MSH3: variants seen among roughly 807,000 people sequenced by gnomAD.
MSH3 encodes DNA mismatch repair protein Msh3.
MSH3 carries 106 observed loss-of-function variants against 123.3 expected under a neutral mutation model. The observed-to-expected ratio is 0.86, with a 90% CI of 0.73 to 1.01. The LOEUF (loss-of-function observed/expected upper bound fraction) is 1.01, where lower values mean the gene tolerates loss of function less well. Ranked by LOEUF, MSH3 falls within the 50% of genes least tolerant of loss-of-function variation. The pLI is 0.00. For synonymous variants in MSH3, 515 were observed against 481.4 expected, an observed-to-expected ratio of 1.07 and a Z score of -0.91; for missense variants, 1,459 against 1,347.6, an observed-to-expected ratio of 1.08 and a Z score of -1.29.
intron 8 of MSH3, among the ~76,000 whole-genome samples, chr5:80,709,663 T>C (rs1321503673): frequency 6.6e-6 from 1 of 152,232 alleles, no homozygotes; most frequent in African/African-American, 2.4e-5. Context: ...TTAACAACTT[T>C]TGTTAATTTT....
intron 21 of MSH3, among the ~76,000 whole-genome samples, chr5:80,854,780 C>T (rs975388609): frequency 2.6e-5 from 4 of 152,080 alleles, no homozygotes; most frequent in Non-Finnish European, 5.9e-5. Context: ...TTTTTGCTGA[C>T]TCAACATAAA....
intron 2 of MSH3, among the ~76,000 whole-genome samples, chr5:80,662,148 A>C (rs1353513597): frequency 6.6e-6 from 1 of 152,250 alleles, no homozygotes; most frequent in East Asian, 1.9e-4. Flanking sequence ...GTTTAGATAC[A>C]CAGATACTTA....
chr5:80,666,894 G>A (rs1749586494), intron 3 of MSH3, among the ~76,000 whole-genome samples: 1 of 152,200 alleles, frequency 6.6e-6, no homozygotes, highest in African/African-American at 2.4e-5. Context: ...GTCCAGACAA[G>A]GTTAAATTGA....
In MSH3 at chr5:80,692,617, T is replaced by G. The variant is rs187085059; in HGVS notation, c.1340+13524T>G. On this transcript the variant is annotated intron_variant, in intron 8 of 23. Transcript: ENST00000265081. ...GTATATGTTTATATAGATGAATATA[T>G]ATAAACATGTATATGTTTATATATG... 4.4e-4 allele frequency among the ~76,000 whole-genome samples: 64 copies of G among 146,844 alleles called. No homozygotes were observed. In the South Asian group the frequency reaches 4.7e-3, roughly 11 times the overall value.
chr5:80,678,512 T>C (rs1322682267), intron 7 of MSH3, among the ~76,000 whole-genome samples: 2 of 152,248 alleles, frequency 1.3e-5, no homozygotes, highest in Admixed American at 1.3e-4. Flanking sequence ...GAGTGATAAC[T>C]ACTATTTGTA....
At chr5:80,711,299 G>C (rs1404048469) in intron 8 of MSH3, among the ~76,000 whole-genome samples, 1 of 152,202 alleles carries the variant, frequency 6.6e-6, no homozygotes, top group African/African-American at 2.4e-5. Flanking sequence ...GATAGGTCCT[G>C]GTGTGTTTCT....
chr5:80,754,207 C>T (rs1561466864), intron 12 of MSH3, among the ~76,000 whole-genome samples: 2 of 152,074 alleles, frequency 1.3e-5, no homozygotes, highest in Non-Finnish European at 2.9e-5. Context: ...CTACTCAGAT[C>T]CCACTAGGTA....
Position 80,787,110 on chromosome 5 carries a change from G to C in MSH3, c.2436-455G>C, listed in dbSNP as rs141722121. On this transcript the variant is annotated intron_variant, in intron 17 of 23. Transcript: ENST00000265081. ...GTTAATGAGATGAGATAGACAACCT[G>C]CTTTCAAGAAGCTTCCAGTTTAGTG... 7.3e-3 allele frequency among the ~76,000 whole-genome samples: 1,116 copies of C among 152,126 alleles called. 18 individuals carry two copies. The highest frequency in any genetic ancestry group is 0.025 in the African/African-American group (1,057 of 41,498).
At chr5:80,795,520 A>G (rs944095382) in intron 19 of MSH3, among the ~76,000 whole-genome samples, 4 of 152,096 alleles carry the variant, frequency 2.6e-5, no homozygotes, top group Non-Finnish European at 5.9e-5. Context: ...AGTGGAAGGG[A>G]TAAGGGGTCT....
intron 19 of MSH3, among the ~76,000 whole-genome samples, chr5:80,806,206 C>G (rs1274095048): frequency 6.6e-6 from 1 of 152,180 alleles, no homozygotes; most frequent in Non-Finnish European, 1.5e-5. Flanking sequence ...TCAAGTGATT[C>G]TCCTGCCTCA....
chr5:80,703,530 T>C (rs1041118847), intron 8 of MSH3, among the ~76,000 whole-genome samples: 1 of 152,046 alleles, frequency 6.6e-6, no homozygotes, highest in Non-Finnish European at 1.5e-5. Context: ...GAGAGACACA[T>C]AGCTTAGCCT....
intron 7 of MSH3, among the ~76,000 whole-genome samples, chr5:80,675,977 T>C (rs1749830269): frequency 1.3e-5 from 2 of 152,204 alleles, no homozygotes; most frequent in Admixed American, 1.3e-4. Context: ...AAATTAATAT[T>C]AGGATTATTT....
At chr5:80,799,697 A>C (rs1744759322) in intron 19 of MSH3, among the ~76,000 whole-genome samples, 1 of 151,986 alleles carries the variant, frequency 6.6e-6, no homozygotes, top group African/African-American at 2.4e-5. Context: ...CCTATTTAGT[A>C]GTGACTATGA....
chr5:80,846,921 C>T (rs1745733148), intron 20 of MSH3, among the ~76,000 whole-genome samples: 1 of 152,154 alleles, frequency 6.6e-6, no homozygotes, highest in Non-Finnish European at 1.5e-5. Context: ...ATAGGCTGCA[C>T]CCACTGTCCA....
At chr5:80,774,630 T>TA (rs1235101936) in intron 15 of MSH3, among the ~76,000 whole-genome samples, 1 of 152,046 alleles carries the variant, frequency 6.6e-6, no homozygotes, top group Non-Finnish European at 1.5e-5. Flanking sequence ...TATACAGCCA[T>TA]AAAAAAGAAT....
chr5:80,733,295 C>G (rs982177333), intron 10 of MSH3, among the ~76,000 whole-genome samples: 1 of 151,994 alleles, frequency 6.6e-6, no homozygotes, highest in Non-Finnish European at 1.5e-5. Context: ...TGAAGTTGGA[C>G]CCTTACTTCA....
chr5:80,867,958 G>T (rs1245021570), intron 22 of MSH3, among the ~76,000 whole-genome samples: 1 of 152,080 alleles, frequency 6.6e-6, no homozygotes, highest in African/African-American at 2.4e-5. Flanking sequence ...TGCTTCTGTT[G>T]CAATTGCTTT....
intron 11 of MSH3, 128 bp downstream of exon 11, chr5:80,741,676 TA>T: frequency 1.4e-6 from 1 of 726,286 alleles, no homozygotes; most frequent in South Asian, 1.5e-5. Flanking sequence ...TATTAATTGA[TA>T]ACTGTAGCTC....
At chr5:80,667,086 T>C (rs1749589710) in intron 3 of MSH3, among the ~76,000 whole-genome samples, 1 of 152,140 alleles carries the variant, frequency 6.6e-6, no homozygotes, top group South Asian at 2.1e-4. Flanking sequence ...GAACTTAAAA[T>C]GAAAGTTAAA....
Sources: gnomAD v4.1 joint callset for allele counts (sites outside exome capture counted in the v4.1 genomes callset) on GRCh38, gnomAD v4.1.1 for gene constraint, MANE v1.5 for transcripts, NCBI Gene and HGNC (gene_info 2026-07-23, HGNC 2026-07-21) for gene names.